Variants in IGF1 observed in about 807,000 individuals in gnomAD.
The protein encoded by IGF1 is insulin like growth factor 1, also known as insulin-like growth factor 1.
Under a neutral mutation model 13.8 loss-of-function variants are expected in IGF1, and 4 were observed. The ratio of observed to expected loss-of-function variants is 0.29; its 90% confidence interval spans 0.14 to 0.66. The LOEUF is 0.66. Ranked by LOEUF, IGF1 falls within the 30% of genes least tolerant of loss-of-function variation. The pLI is 0.78. For synonymous variants in IGF1, 76 were observed against 72.6 expected (o/e 1.05, Z -0.23); for missense variants, 124 against 188.5 (o/e 0.66, Z 2.00).
chr12:102,434,273 A>G lies in IGF1; in HGVS notation c.221-14583T>C, dbSNP rs1395352310. The stretch of plus-strand genomic sequence containing the variant: ...ACTAACTCGTCATCTAGCATTAGGT[A>G]TATCTCCCAATGCTATCCCTCCCCC... On this transcript the variant is annotated intron_variant, in intron 2 of 3. Transcript: ENST00000337514. 5.2e-4 allele frequency among the ~76,000 whole-genome samples: 75 copies of G among 143,426 alleles called. 1 individual carries two copies. Among genetic ancestry groups the G allele is most frequent in the African/African-American group, 1.8e-3 (71 of 38,912 alleles). The allele number at this position is 143,426 out of a possible 152,430, so 94.1% of individuals were successfully genotyped here. A position where few individuals can be genotyped will look rare whatever the true frequency, so the allele number is the denominator to read the frequency against.
chr12:102,411,065 G>A (rs573290562), intron 3 of IGF1, among the ~76,000 whole-genome samples: 2 of 152,312 alleles, frequency 1.3e-5, no homozygotes, highest in African/African-American at 4.8e-5. Context: ...CTTCATCCTA[G>A]TGTTCTTTTG....
At chr12:102,407,091 C>T (rs1874217651) in intron 3 of IGF1, among the ~76,000 whole-genome samples, 1 of 81,320 alleles carries the variant, frequency 1.2e-5, no homozygotes, top group Non-Finnish European at 2.3e-5. Flanking sequence ...AAAACTCTGT[C>T]TCCAAAAAAA....
At chr12:102,478,766 C>A in intron 1 of IGF1, 1 of 690,856 alleles carries the variant, frequency 1.4e-6, no homozygotes, top group South Asian at 3.4e-5. Context: ...CATTGTATGC[C>A]TATTGTAGCA....
At chr12:102,405,055 C>T (rs1443641688) in intron 3 of IGF1, among the ~76,000 whole-genome samples, 1 of 150,394 alleles carries the variant, frequency 6.6e-6, no homozygotes, top group Non-Finnish European at 1.5e-5. Flanking sequence ...AATGTGTGTT[C>T]TTAATCTTCC....
Position 102,400,279 on chromosome 12 carries a change from A to G in IGF1, c.*2228T>C, listed in dbSNP as rs992240418. 4 of 152,212 alleles carry G rather than the reference A, an allele frequency of 2.6e-5. No individual in the cohort carries two copies. Among genetic ancestry groups the G allele is most frequent in the Admixed American group, 6.5e-5 (1 of 15,270 alleles). The allele number at this position is 152,212 out of a possible 1,614,324, so 9.4% of individuals were successfully genotyped here. A position where few individuals can be genotyped will look rare whatever the true frequency, so the allele number is the denominator to read the frequency against. ...AATCAAGCCTGGGTACTTTTAACCA[A>G]AAAGTTCTAAGGTGACTAGAAAGAT... On this transcript the variant is annotated 3_prime_UTR_variant, in exon 4 of 4. Transcript: ENST00000337514.
intron 3 of IGF1, among the ~76,000 whole-genome samples, chr12:102,412,637 G>A (rs1035043914): frequency 2.0e-5 from 3 of 152,034 alleles, no homozygotes; most frequent in South Asian, 2.1e-4. Flanking sequence ...AATAAAGATG[G>A]GAATTTCCAA....
chr12:102,412,467 T>C (rs1043579148), intron 3 of IGF1, among the ~76,000 whole-genome samples: 1 of 152,132 alleles, frequency 6.6e-6, no homozygotes, highest in African/African-American at 2.4e-5. Flanking sequence ...CTGTTTGGTG[T>C]AGTTTATTAC....
chr12:102,418,038 A>G (rs1875319979), intron 3 of IGF1: 1 of 1,601,210 alleles, frequency 6.2e-7, no homozygotes, highest in Admixed American at 1.8e-5. Flanking sequence ...CATTGAGAAC[A>G]AGTGGTTCCC....
chr12:102,413,470 G>A (rs910460770), intron 3 of IGF1, among the ~76,000 whole-genome samples: 1 of 152,082 alleles, frequency 6.6e-6, no homozygotes, highest in Non-Finnish European at 1.5e-5. Flanking sequence ...TTGCTCTTTG[G>A]GAGCTCATTT....
intron 2 of IGF1, among the ~76,000 whole-genome samples, chr12:102,428,909 A>G (rs1034207191): frequency 1.3e-5 from 2 of 152,222 alleles, no homozygotes; most frequent in African/African-American, 4.8e-5. Flanking sequence ...ACTACATGTT[A>G]TCTCTGATAG....
chr12:102,413,531 T>C (rs575454042), intron 3 of IGF1, among the ~76,000 whole-genome samples: 1 of 152,274 alleles, frequency 6.6e-6, no homozygotes, highest in Admixed American at 6.5e-5. Flanking sequence ...CATTAGAAGC[T>C]GTGTGAGGTT....
intron 3 of IGF1, among the ~76,000 whole-genome samples, chr12:102,405,313 C>G (rs5742695): frequency 6.6e-6 from 1 of 150,550 alleles, no homozygotes; most frequent in Non-Finnish European, 1.5e-5. Flanking sequence ...GTCTTGAACT[C>G]CTGACCTCAG....
upstream of IGF1, among the ~76,000 whole-genome samples, chr12:102,481,347 CTGTGTGTGTGTGTGTG>C (rs3033407): frequency 6.4e-5 from 9 of 140,278 alleles, no homozygotes; most frequent in South Asian, 2.4e-4. Context: ...TAACTCAAAC[CTGTGTGTGTGTGTGTG>C]TGTGTGTGTG....
At chr12:102,407,821 A>G (rs1339510927) in intron 3 of IGF1, among the ~76,000 whole-genome samples, 1 of 152,220 alleles carries the variant, frequency 6.6e-6, no homozygotes, top group Non-Finnish European at 1.5e-5. Flanking sequence ...ATAGAAGTCT[A>G]GGAGCACAGT....
At chr12:102,405,039 A>G (rs777979327) in intron 3 of IGF1, among the ~76,000 whole-genome samples, 13 of 151,004 alleles carry the variant, frequency 8.6e-5, no homozygotes, top group Non-Finnish European at 1.6e-4. Context: ...TTACAGGCGT[A>G]AGCTAAATGT....
At position 102,398,760 on chromosome 12, in the gene IGF1, T is replaced by TA; in HGVS notation, c.*3746dup. 6.6e-6 allele frequency: 1 copy of TA among 152,154 alleles called. No homozygotes were observed. Among genetic ancestry groups the TA allele is most frequent in the East Asian group, 1.9e-4 (1 of 5,186 alleles). 9.4% of individuals were successfully genotyped at this position (152,154 alleles called of 1,614,324 possible). ...CTATAGAATTGTTGTTTTTATACTT[T>TA]AAAAAAATATGTCTATGCTTTCTTT... On this transcript the variant is annotated 3_prime_UTR_variant, in exon 4 of 4. Coordinates refer to ENST00000337514, the MANE Select transcript of IGF1 (RefSeq NM_000618.5).
intron 2 of IGF1, among the ~76,000 whole-genome samples, chr12:102,466,335 T>G (rs1880310014): frequency 6.6e-6 from 1 of 152,196 alleles, no homozygotes; most frequent in Admixed American, 6.5e-5. Flanking sequence ...ACTTGTCTAG[T>G]CTAGGAATCT....
At chr12:102,463,881 T>A (rs534574756) in intron 2 of IGF1, among the ~76,000 whole-genome samples, 1 of 152,368 alleles carries the variant, frequency 6.6e-6, no homozygotes, top group Non-Finnish European at 1.5e-5. Context: ...TTTTGTGACC[T>A]CATGCACATC....
intron 2 of IGF1, among the ~76,000 whole-genome samples, chr12:102,435,969 C>T (rs1877191690): frequency 6.6e-6 from 1 of 152,320 alleles, no homozygotes; most frequent in Non-Finnish European, 1.5e-5. Context: ...CGATCACGTC[C>T]TGTGGCACTG....
Sources: gnomAD v4.1 joint callset for allele counts (sites outside exome capture counted in the v4.1 genomes callset) on GRCh38, gnomAD v4.1.1 for gene constraint, MANE v1.5 for transcripts, NCBI Gene and HGNC (gene_info 2026-07-23, HGNC 2026-07-21) for gene names.